The following SGCZ variants were observed in gnomAD, a reference collection of about 807,000 sequenced individuals.
SGCZ encodes sarcoglycan zeta.
In SGCZ, 40 loss-of-function variants were observed where a neutral mutation model predicts 41.3. That is an observed-to-expected ratio of 0.97 (90% CI 0.75 to 1.26). SGCZ has a LOEUF of 1.26. SGCZ is among the 50% of genes most tolerant of loss of function. The pLI, the probability that SGCZ is intolerant of heterozygous loss-of-function variation, is 0.00. For synonymous variants in SGCZ, 206 were observed against 137.5 expected, an observed-to-expected ratio of 1.50 and a Z score of -3.49; for missense variants, 552 against 369.8, an observed-to-expected ratio of 1.49 and a Z score of -4.04.
At chr8:14,373,075 G>A (rs1333415762) in intron 2 of SGCZ, among the ~76,000 whole-genome samples, 1 of 152,108 alleles carries the variant, frequency 6.6e-6, no homozygotes, top group Non-Finnish European at 1.5e-5. Context: ...AGAGGCTTTT[G>A]CAATAATCTA....
At chr8:14,764,953 T>G (rs1303342997) in intron 1 of SGCZ, among the ~76,000 whole-genome samples, 1 of 152,204 alleles carries the variant, frequency 6.6e-6, no homozygotes, top group Non-Finnish European at 1.5e-5. Flanking sequence ...TAACAACTGG[T>G]AAAGGGTGAC....
At chr8:14,911,155 A>G (rs992652486) in intron 1 of SGCZ, among the ~76,000 whole-genome samples, 3 of 152,080 alleles carry the variant, frequency 2.0e-5, no homozygotes, top group African/African-American at 7.2e-5. Flanking sequence ...TTTTAAGAGA[A>G]AACAGAGTAA....
intron 1 of SGCZ, among the ~76,000 whole-genome samples, chr8:14,723,830 G>A (rs1036080081): frequency 6.6e-6 from 1 of 151,884 alleles, no homozygotes; most frequent in Non-Finnish European, 1.5e-5. Flanking sequence ...TCTAATTGCA[G>A]CAAACATTGT....
At chr8:14,709,367 A>G (rs1177149505) in intron 1 of SGCZ, among the ~76,000 whole-genome samples, 1 of 152,204 alleles carries the variant, frequency 6.6e-6, no homozygotes, top group African/African-American at 2.4e-5. Context: ...TAAATAATAC[A>G]TTATAAATGA....
chr8:14,408,699 G>C (rs959163032), intron 2 of SGCZ, among the ~76,000 whole-genome samples: 1 of 151,944 alleles, frequency 6.6e-6, no homozygotes, highest in African/African-American at 2.4e-5. Flanking sequence ...CCCTCATCTA[G>C]TCCTGCATGG....
chr8:14,770,239 G>A lies in SGCZ; in HGVS notation c.40-215313C>T, dbSNP rs1020506015. Among the ~76,000 whole-genome samples the A allele has an allele frequency of 5.9e-5, 9 of 151,382 alleles. 1 individual carries two copies. Among genetic ancestry groups the A allele is most frequent in the African/African-American group, 1.9e-4 (8 of 41,362 alleles). On this transcript the variant is annotated intron_variant, in intron 1 of 7. Transcript: ENST00000382080. ...ATCACGATGCTAATCTAGATTTGAC[G>A]AGTTCTAGCAGACTAGTAGTGCCAA...
intron 1 of SGCZ, among the ~76,000 whole-genome samples, chr8:14,626,676 A>G (rs567192380): frequency 6.6e-6 from 1 of 152,276 alleles, no homozygotes; most frequent in African/African-American, 2.4e-5. Flanking sequence ...TCATGAAAAG[A>G]TTGGAGCTTA....
At chr8:14,240,352 AAAAG>A (rs1798832986) in intron 3 of SGCZ, among the ~76,000 whole-genome samples, 1 of 99,806 alleles carries the variant, frequency 1.0e-5, no homozygotes, top group Non-Finnish European at 2.2e-5. Flanking sequence ...AAAAAAAAAA[AAAAG>A]AACTGAAAGT....
chr8:14,660,068 A>G (rs993909704), intron 1 of SGCZ, among the ~76,000 whole-genome samples: 1 of 152,164 alleles, frequency 6.6e-6, no homozygotes, highest in Non-Finnish European at 1.5e-5. Context: ...TTCAACAGGA[A>G]CCAACCTTGC....
At position 14,286,562 on chromosome 8, in the gene SGCZ, C is replaced by A. The variant is rs528580119; in HGVS notation, c.336+37541G>T. On this transcript the variant is annotated intron_variant, in intron 3 of 7. Coordinates refer to ENST00000382080, the MANE Select transcript of SGCZ (RefSeq NM_139167.4). ...GCAGTAGTTTATATCTAACAATATACCAGATATTATGGAATTTCTTTTTAA... is the reference window on the plus strand; with the variant it reads ...GCAGTAGTTTATATCTAACAATATAACAGATATTATGGAATTTCTTTTTAA... Among the ~76,000 whole-genome samples, 3 of 152,146 alleles carry A rather than the reference C, an allele frequency of 2.0e-5. No homozygotes were observed. In the East Asian group the frequency reaches 5.8e-4, roughly 29 times the overall value.
At chr8:14,094,263 G>C (rs553992893) in intron 7 of SGCZ, among the ~76,000 whole-genome samples, 14 of 151,938 alleles carry the variant, frequency 9.2e-5, no homozygotes, top group African/African-American at 3.4e-4. Context: ...ATCTACTTAG[G>C]TATTTGTCCT....
chr8:14,312,746 T>C (rs1346160435), intron 3 of SGCZ, among the ~76,000 whole-genome samples: 1 of 152,162 alleles, frequency 6.6e-6, no homozygotes, highest in Non-Finnish European at 1.5e-5. Flanking sequence ...CTGATACTTC[T>C]TTAAAATTCC....
intron 4 of SGCZ, among the ~76,000 whole-genome samples, chr8:14,207,603 G>A (rs969809982): frequency 1.4e-4 from 21 of 151,738 alleles, no homozygotes; most frequent in African/African-American, 4.8e-4. Context: ...AAGTTATAAT[G>A]AACACATTTA....
intron 5 of SGCZ, among the ~76,000 whole-genome samples, chr8:14,116,213 T>C (rs1563135804): frequency 6.6e-6 from 1 of 152,078 alleles, no homozygotes; most frequent in Non-Finnish European, 1.5e-5. Context: ...AAACAAAATA[T>C]TGTATGTTCA....
intron 5 of SGCZ, among the ~76,000 whole-genome samples, chr8:14,141,177 T>A (rs900227164): frequency 6.6e-6 from 1 of 152,156 alleles, no homozygotes; most frequent in African/African-American, 2.4e-5. Flanking sequence ...TAATTCAAGA[T>A]GGATTAAAGA....
At chr8:14,673,207 T>A (rs1324993242) in intron 1 of SGCZ, among the ~76,000 whole-genome samples, 1 of 152,232 alleles carries the variant, frequency 6.6e-6, no homozygotes, top group Non-Finnish European at 1.5e-5. Context: ...CATTAATTTA[T>A]GACCTATTAG....
chr8:14,571,766 C>A (rs951484391), intron 1 of SGCZ, among the ~76,000 whole-genome samples: 2 of 151,982 alleles, frequency 1.3e-5, no homozygotes, highest in African/African-American at 4.8e-5. Context: ...AACTTAAAAT[C>A]GAGAAACAGC....
At position 14,116,785 on chromosome 8, in the gene SGCZ, A is replaced by G. The variant is rs150932295; in HGVS notation, c.548-8550T>C. On this transcript the variant is annotated intron_variant, in intron 5 of 7. Transcript: ENST00000382080. ...TTTTAACCATAAGAGGACTGGTAGC[A>G]TTCTTTTTACTTTTAACTAAAGAAA... Among the ~76,000 whole-genome samples the G allele has an allele frequency of 3.0e-4, 46 of 152,214 alleles. No individual in the cohort carries two copies. The East Asian group carries it at 8.1e-3, about 27-fold the overall frequency.
At chr8:15,053,149 T>C (rs17120802) in intron 1 of SGCZ, among the ~76,000 whole-genome samples, 7,191 of 152,274 alleles carry the variant, frequency 0.047, 180 homozygotes, top group Non-Finnish European at 0.057. Context: ...CTTTCCTATT[T>C]GATGCTTTGA....
Sources: gnomAD v4.1 joint callset for allele counts (sites outside exome capture counted in the v4.1 genomes callset) on GRCh38, gnomAD v4.1.1 for gene constraint, MANE v1.5 for transcripts, NCBI Gene and HGNC (gene_info 2026-07-23, HGNC 2026-07-21) for gene names.